CAMKMT: variants seen among roughly 807,000 people sequenced by gnomAD.
CAMKMT encodes CaM KMT.
CAMKMT carries 53 observed loss-of-function variants against 48.0 expected under a neutral mutation model. That is an observed-to-expected ratio of 1.10 (90% CI 0.89 to 1.39). The LOEUF (loss-of-function observed/expected upper bound fraction) is 1.39, where lower values mean the gene tolerates loss of function less well. CAMKMT is among the 40% of genes most tolerant of loss of function. The probability of loss-of-function intolerance (pLI) is 0.00; values close to 1 mark genes in which losing one functional copy is unlikely to be tolerated. For missense variants in CAMKMT, 428 were observed against 402.7 expected (o/e 1.06, Z -0.54); for synonymous variants, 165 against 152.3 (o/e 1.08, Z -0.61).
intron 8 of CAMKMT, among the ~76,000 whole-genome samples, chr2:44,745,645 T>G (rs1679885902): frequency 1.3e-5 from 2 of 152,164 alleles, no homozygotes; most frequent in South Asian, 4.1e-4. Context: ...ATGAATTGTT[T>G]TTTTTTTTCC....
chr2:44,753,381 C>G (rs1217387300), intron 8 of CAMKMT, among the ~76,000 whole-genome samples: 3 of 132,302 alleles, frequency 2.3e-5, no homozygotes, highest in African/African-American at 8.5e-5. Flanking sequence ...AACTGGATGA[C>G]AGTGCAAAAT....
chr2:44,444,337 C>G (rs1666853732), intron 3 of CAMKMT, among the ~76,000 whole-genome samples: 1 of 152,208 alleles, frequency 6.6e-6, no homozygotes, highest in Admixed American at 6.5e-5. Flanking sequence ...TATAAGCTGT[C>G]AAGATCATGT....
At chr2:44,469,134 C>T (rs779994626) in intron 3 of CAMKMT, among the ~76,000 whole-genome samples, 4 of 151,908 alleles carry the variant, frequency 2.6e-5, no homozygotes, top group African/African-American at 9.7e-5. Flanking sequence ...GAGTGACTAT[C>T]GTTAACAAAG....
chr2:44,412,358 C>T (rs948199706), intron 3 of CAMKMT, among the ~76,000 whole-genome samples: 2 of 152,034 alleles, frequency 1.3e-5, no homozygotes, highest in Non-Finnish European at 2.9e-5. Flanking sequence ...GTTTTTGAGA[C>T]AGAGTCTGGC....
intron 3 of CAMKMT, among the ~76,000 whole-genome samples, chr2:44,512,035 A>C (rs1306631852): frequency 6.6e-6 from 1 of 152,192 alleles, no homozygotes; most frequent in Non-Finnish European, 1.5e-5. Context: ...TTGTGGGTGG[A>C]GGAAGGAGTG....
intron 3 of CAMKMT, among the ~76,000 whole-genome samples, chr2:44,650,601 C>T (rs1286738973): frequency 6.6e-6 from 1 of 152,074 alleles, no homozygotes; most frequent in Non-Finnish European, 1.5e-5. Context: ...ACTTTAACTA[C>T]AAAATTGTGG....
At chr2:44,619,208 T>C (rs1178084593) in intron 3 of CAMKMT, among the ~76,000 whole-genome samples, 2 of 152,218 alleles carry the variant, frequency 1.3e-5, no homozygotes, top group East Asian at 3.8e-4. Context: ...ATTTGAGGTA[T>C]TGAAAACACC....
rs1004155919 is a variant in CAMKMT, at chr2:44,445,682, T to G, written c.376+55377T>G. On this transcript the variant is annotated intron_variant, in intron 3 of 10. Transcript: ENST00000378494. ...TTTTTTTTTTTTTTTTTTTTTTTTTTTTTTTTTTTTTACCAGTTGGGCTTT... is the reference window on the plus strand; with the variant it reads ...TTTTTTTTTTTTTTTTTTTTTTTTTGTTTTTTTTTTTACCAGTTGGGCTTT... Among the ~76,000 whole-genome samples, 69 of 65,828 alleles carry G rather than the reference T, an allele frequency of 1.0e-3. 4 individuals are homozygous for G. Among genetic ancestry groups the G allele is most frequent in the African/African-American group, 3.3e-3 (60 of 18,026 alleles). 43.2% of individuals were successfully genotyped at this position (65,828 alleles called of 152,430 possible). A position where few individuals can be genotyped will look rare whatever the true frequency, so the allele number is the denominator to read the frequency against.
At chr2:44,575,379 C>A (rs1669160441) in intron 3 of CAMKMT, among the ~76,000 whole-genome samples, 1 of 151,868 alleles carries the variant, frequency 6.6e-6, no homozygotes, top group African/African-American at 2.4e-5. Context: ...ACGCCCAGCC[C>A]TTCTCCATTT....
At chr2:44,465,072 A>G (rs556094974) in intron 3 of CAMKMT, among the ~76,000 whole-genome samples, 130 of 152,324 alleles carry the variant, frequency 8.5e-4, no homozygotes, top group African/African-American at 2.9e-3. Context: ...ATAGCTAACT[A>G]TAAAACTATG....
At chr2:44,584,249 T>G (rs1294246315) in intron 3 of CAMKMT, among the ~76,000 whole-genome samples, 1 of 152,270 alleles carries the variant, frequency 6.6e-6, no homozygotes, top group Non-Finnish European at 1.5e-5. Flanking sequence ...CACAATTTAT[T>G]TATTCATTTA....
At chr2:44,683,448 A>G (rs1676134445) in intron 3 of CAMKMT, among the ~76,000 whole-genome samples, 1 of 152,214 alleles carries the variant, frequency 6.6e-6, no homozygotes, top group African/African-American at 2.4e-5. Flanking sequence ...TTAACTAGCT[A>G]GCCTCTGTGT....
intron 3 of CAMKMT, among the ~76,000 whole-genome samples, chr2:44,558,867 C>T (rs1668168188): frequency 6.6e-6 from 1 of 152,030 alleles, no homozygotes; most frequent in African/African-American, 2.4e-5. Context: ...TATTCGTACA[C>T]CAAACCTTAG....
intron 3 of CAMKMT, among the ~76,000 whole-genome samples, chr2:44,516,131 A>T (rs946547202): frequency 6.6e-6 from 1 of 152,186 alleles, no homozygotes; most frequent in Non-Finnish European, 1.5e-5. Context: ...AGCGCCTCAT[A>T]TGAAACACCA....
intron 3 of CAMKMT, among the ~76,000 whole-genome samples, chr2:44,423,186 T>TTTTA (rs1684047644): frequency 1.0e-5 from 1 of 97,982 alleles, no homozygotes; most frequent in Non-Finnish European, 2.6e-5. Flanking sequence ...TTTTATTTTA[T>TTTTA]TTATTTATTT....
At chr2:44,610,481 T>A (rs1322340032) in intron 3 of CAMKMT, among the ~76,000 whole-genome samples, 1 of 152,160 alleles carries the variant, frequency 6.6e-6, no homozygotes, top group Non-Finnish European at 1.5e-5. Flanking sequence ...AACCTCTAAG[T>A]TTCCTCCATA....
At chr2:44,769,649 G>GT (rs528829940) in intron 10 of CAMKMT, among the ~76,000 whole-genome samples, 6,256 of 148,806 alleles carry the variant, frequency 0.042, 224 homozygotes, top group African/African-American at 0.11. Flanking sequence ...CATGCCGTGG[G>GT]TTTTTTTTTT....
At chr2:44,727,379 C>T (rs1193721513) in intron 7 of CAMKMT, among the ~76,000 whole-genome samples, 2 of 152,090 alleles carry the variant, frequency 1.3e-5, no homozygotes, top group Admixed American at 6.6e-5. Flanking sequence ...TTCTTTGTGG[C>T]TAATTTAAGT....
intron 3 of CAMKMT, among the ~76,000 whole-genome samples, chr2:44,609,208 A>C (rs961925914): frequency 6.6e-6 from 1 of 152,206 alleles, no homozygotes; most frequent in Non-Finnish European, 1.5e-5. Context: ...GTTAATGTGG[A>C]GGGAGAATGG....
Sources: allele counts gnomAD v4.1 joint callset (sites outside exome capture counted in the v4.1 genomes callset), GRCh38; gene constraint gnomAD v4.1.1; transcripts MANE v1.5; gene names NCBI Gene and HGNC (gene_info 2026-07-23, HGNC 2026-07-21).